Variants in CNTN4 observed in about 807,000 individuals in gnomAD.
CNTN4 encodes the protein contactin-4.
In CNTN4, 77 loss-of-function variants were observed where a neutral mutation model predicts 122.5. That is an observed-to-expected ratio of 0.63 (90% CI 0.52 to 0.76). CNTN4 has a LOEUF of 0.76. CNTN4 is among the 30% of genes least tolerant of loss of function. The pLI is 0.00. For synonymous variants in CNTN4, 512 were observed against 447.0 expected, an observed-to-expected ratio of 1.15 and a Z score of -1.83; for missense variants, 1,256 against 1,259.1, an observed-to-expected ratio of 1.00 and a Z score of 0.04.
At chr3:2,310,328 T>C (rs536857678) in intron 2 of CNTN4, among the ~76,000 whole-genome samples, 2 of 152,280 alleles carry the variant, frequency 1.3e-5, no homozygotes, top group South Asian at 2.1e-4. Context: ...CAGGCTAACA[T>C]TGGCTATGAC....
chr3:2,767,904 T>C (rs945519880), intron 6 of CNTN4, among the ~76,000 whole-genome samples: 2 of 152,324 alleles, frequency 1.3e-5, no homozygotes, highest in East Asian at 1.9e-4. Flanking sequence ...TTTAAGTGGT[T>C]AGAAGGCAGA....
chr3:2,202,133 C>T (rs1002168385), intron 2 of CNTN4, among the ~76,000 whole-genome samples: 9 of 152,132 alleles, frequency 5.9e-5, no homozygotes, highest in Non-Finnish European at 1.0e-4. Flanking sequence ...ACCCCCTCCC[C>T]ACCACCAAAG....
At chr3:2,312,366 C>A (rs1055863248) in intron 2 of CNTN4, among the ~76,000 whole-genome samples, 1 of 152,100 alleles carries the variant, frequency 6.6e-6, no homozygotes, top group African/African-American at 2.4e-5. Flanking sequence ...GGCAATCAAA[C>A]ACTGCCAACC....
At chr3:3,024,331 C>T (rs1698541866) in intron 14 of CNTN4, among the ~76,000 whole-genome samples, 1 of 140,774 alleles carries the variant, frequency 7.1e-6, no homozygotes, top group African/African-American at 2.7e-5. Context: ...CAAAATGGGG[C>T]TATTCCTTGA....
At chr3:2,965,083 G>A (rs919243884) in intron 13 of CNTN4, among the ~76,000 whole-genome samples, 1 of 152,170 alleles carries the variant, frequency 6.6e-6, no homozygotes, top group African/African-American at 2.4e-5. Context: ...TTTAAAAAAT[G>A]AAATTATAGA....
At chr3:2,950,579 C>G (rs2151594099) in intron 13 of CNTN4, among the ~76,000 whole-genome samples, 1 of 152,124 alleles carries the variant, frequency 6.6e-6, no homozygotes, top group South Asian at 2.1e-4. Flanking sequence ...AGGTCCTCTT[C>G]CAGCAAAATG....
At chr3:2,738,066 A>G (rs538511181) in intron 5 of CNTN4, among the ~76,000 whole-genome samples, 1 of 152,352 alleles carries the variant, frequency 6.6e-6, no homozygotes, top group South Asian at 2.1e-4. Flanking sequence ...AAGCATCAAG[A>G]AAGACTGAGG....
At position 3,043,685 on chromosome 3, in the gene CNTN4, C is replaced by T. The variant is rs765553872; in HGVS notation, c.2792C>T (p.Ser931Leu). 1.7e-5 allele frequency: 27 copies of T among 1,612,352 alleles called. No homozygotes were observed. Among genetic ancestry groups the T allele is most frequent in the Non-Finnish European group, 2.0e-5 (24 of 1,178,598 alleles). The change falls in exon 23 of 25, where the codon TCG (serine) becomes TTG (leucine). Residue 931 changes from serine to leucine, a missense_variant. By Grantham distance (145) the Ser-to-Leu change is moderately radical. Transcript: ENST00000418658. ...CAAGTGAAGGCCCTGGATAATGAGT[C>T]GGAAGTAAAAGGATACAAAGTAGGT... Reference protein sequence around the residue: ...WDQVKALDNESEVKGYKVLYR... With the variant: ...WDQVKALDNELEVKGYKVLYR...
intron 2 of CNTN4, among the ~76,000 whole-genome samples, chr3:2,126,466 G>T (rs548841472): frequency 6.6e-6 from 1 of 152,218 alleles, no homozygotes; most frequent in African/African-American, 2.4e-5. Flanking sequence ...TGGGTTTCTA[G>T]TAGATTTATG....
At chr3:2,178,056 C>G (rs1243348417) in intron 2 of CNTN4, among the ~76,000 whole-genome samples, 1 of 152,066 alleles carries the variant, frequency 6.6e-6, no homozygotes. Flanking sequence ...TTACCATTCA[C>G]TTCATCCTGG....
chr3:2,247,628 A>G (rs1008962949), intron 2 of CNTN4, among the ~76,000 whole-genome samples: 8 of 152,006 alleles, frequency 5.3e-5, no homozygotes, highest in Non-Finnish European at 2.9e-5. Context: ...TGTATTCTTG[A>G]TGATAAAATG....
intron 10 of CNTN4, 24 bp downstream of exon 10, chr3:2,887,248 C>T (rs1200399332): frequency 6.3e-7 from 1 of 1,599,760 alleles, no homozygotes; most frequent in African/African-American, 1.3e-5. Flanking sequence ...TTCAGTTTAT[C>T]ATTTATAGTG....
chr3:2,929,510 A>C (rs2094501558), intron 13 of CNTN4, among the ~76,000 whole-genome samples: 1 of 152,162 alleles, frequency 6.6e-6, no homozygotes, highest in Non-Finnish European at 1.5e-5. Flanking sequence ...CCCAACTCAA[A>C]AGGACAAACG....
At chr3:3,023,818 A>G (rs1170628563) in intron 14 of CNTN4, among the ~76,000 whole-genome samples, 4 of 152,206 alleles carry the variant, frequency 2.6e-5, no homozygotes, top group African/African-American at 9.7e-5. Flanking sequence ...TCAGTTGACT[A>G]CACATAGGAG....
chr3:2,194,566 A>T (rs2037747117), intron 2 of CNTN4, among the ~76,000 whole-genome samples: 1 of 152,110 alleles, frequency 6.6e-6, no homozygotes, highest in Non-Finnish European at 1.5e-5. Flanking sequence ...TGAAATCCTC[A>T]CCACCCGTCC....
At chr3:2,570,330 T>C (rs150964209) in intron 3 of CNTN4, among the ~76,000 whole-genome samples, 2,252 of 151,988 alleles carry the variant, frequency 0.015, 27 homozygotes, top group Non-Finnish European at 0.022. Context: ...TGCACCACCA[T>C]GCCAGGCTGA....
intron 4 of CNTN4, among the ~76,000 whole-genome samples, chr3:2,696,440 T>C (rs944823808): frequency 5.9e-5 from 9 of 152,216 alleles, no homozygotes; most frequent in Admixed American, 3.9e-4. Context: ...AAAGAAAGTT[T>C]GCTGCTTTTT....
intron 2 of CNTN4, among the ~76,000 whole-genome samples, chr3:2,298,557 T>G (rs2042392903): frequency 1.3e-5 from 2 of 152,194 alleles, no homozygotes; most frequent in African/African-American, 4.8e-5. Flanking sequence ...CGTCCATATA[T>G]CTCTCCTTTT....
Position 3,056,664 on chromosome 3 carries a change from A to G in CNTN4, c.*444A>G, listed in dbSNP as rs1260189766. 6.3e-6 allele frequency: 1 copy of G among 159,936 alleles called. No homozygotes were observed. Among genetic ancestry groups the G allele is most frequent in the East Asian group, 1.8e-4 (1 of 5,548 alleles). 9.9% of individuals were successfully genotyped at this position (159,936 alleles called of 1,614,324 possible). A position where few individuals can be genotyped will look rare whatever the true frequency, so the allele number is the denominator to read the frequency against. On this transcript the variant is annotated 3_prime_UTR_variant, in exon 25 of 25. Coordinates refer to ENST00000418658, the MANE Select transcript of CNTN4 (RefSeq NM_175607.3). ...AACTCATCTTGGTAAATAAATTGCAAATTACTCGTACAGTTTTACAAGGAT... is the reference window on the plus strand; with the variant it reads ...AACTCATCTTGGTAAATAAATTGCAGATTACTCGTACAGTTTTACAAGGAT...
Sources: gnomAD v4.1 joint callset for allele counts (sites outside exome capture counted in the v4.1 genomes callset) on GRCh38, gnomAD v4.1.1 for gene constraint, MANE v1.5 for transcripts, NCBI Gene and HGNC (gene_info 2026-07-23, HGNC 2026-07-21) for gene names.